Variants in AGBL4 observed in about 807,000 individuals in gnomAD.
AGBL4 encodes cytosolic carboxypeptidase 6.
AGBL4 carries 58 observed loss-of-function variants against 66.4 expected under a neutral mutation model. That is an observed-to-expected ratio of 0.87 (90% CI 0.71 to 1.09). AGBL4 has a LOEUF of 1.09. AGBL4 is among the 50% of genes least tolerant of loss of function. The pLI, the probability that AGBL4 is intolerant of heterozygous loss-of-function variation, is 0.00. For missense variants in AGBL4, 579 were observed against 631.0 expected (o/e 0.92, Z 0.88); for synonymous variants, 234 against 222.9 (o/e 1.05, Z -0.44).
intron 3 of AGBL4, among the ~76,000 whole-genome samples, chr1:49,590,951 T>A (rs1398560323): frequency 6.6e-6 from 1 of 152,038 alleles, no homozygotes; most frequent in African/African-American, 2.4e-5. Flanking sequence ...TTAGAAAATA[T>A]GTTAGCAGAA....
chr1:49,055,952 A>G (rs1021940827), intron 4 of AGBL4, among the ~76,000 whole-genome samples: 1 of 152,136 alleles, frequency 6.6e-6, no homozygotes, highest in South Asian at 2.1e-4. Flanking sequence ...TGGTCATTCT[A>G]TCCAACTGCC....
intron 3 of AGBL4, among the ~76,000 whole-genome samples, chr1:49,456,362 C>T (rs1011781014): frequency 2.0e-5 from 3 of 151,698 alleles, no homozygotes; most frequent in African/African-American, 4.8e-5. Flanking sequence ...ATTGTATGCA[C>T]GAACAGCTGC....
At chr1:48,984,283 C>A (rs1231885549) in intron 5 of AGBL4, among the ~76,000 whole-genome samples, 1 of 151,608 alleles carries the variant, frequency 6.6e-6, no homozygotes, top group East Asian at 2.0e-4. Context: ...GGGAAAGTAC[C>A]TTGTCCATGG....
intron 6 of AGBL4, among the ~76,000 whole-genome samples, chr1:48,689,195 C>T (rs1437617351): frequency 6.4e-5 from 8 of 124,740 alleles, no homozygotes; most frequent in African/African-American, 3.8e-4. Context: ...CAGAGCGAGA[C>T]CCGGTCTCAA....
At chr1:48,771,521 C>T (rs1379091419) in intron 6 of AGBL4, among the ~76,000 whole-genome samples, 2 of 152,152 alleles carry the variant, frequency 1.3e-5, no homozygotes, top group Non-Finnish European at 2.9e-5. Context: ...AGACTGAACC[C>T]TCAATGGTTA....
At chr1:48,944,158 C>G (rs1656253314) in intron 5 of AGBL4, among the ~76,000 whole-genome samples, 1 of 152,130 alleles carries the variant, frequency 6.6e-6, no homozygotes, top group Non-Finnish European at 1.5e-5. Flanking sequence ...TAATACATGA[C>G]AGCATGGAAG....
intron 9 of AGBL4, among the ~76,000 whole-genome samples, chr1:48,616,358 A>G (rs1220270875): frequency 2.6e-5 from 4 of 152,204 alleles, no homozygotes; most frequent in Non-Finnish European, 5.9e-5. Flanking sequence ...TCTCCATTGA[A>G]CAAATGAGAA....
chr1:48,711,671 A>G (rs1646969663), intron 6 of AGBL4, among the ~76,000 whole-genome samples: 1 of 151,838 alleles, frequency 6.6e-6, no homozygotes, highest in Admixed American at 6.6e-5. Context: ...CCGAGCTCCA[A>G]AGCAAGCTGT....
intron 4 of AGBL4, among the ~76,000 whole-genome samples, chr1:49,148,196 G>T (rs1331201179): frequency 6.6e-6 from 1 of 152,062 alleles, no homozygotes; most frequent in Non-Finnish European, 1.5e-5. Context: ...AATACATTAG[G>T]TATTAATAAA....
intron 6 of AGBL4, among the ~76,000 whole-genome samples, chr1:48,740,519 G>C (rs966519737): frequency 2.0e-5 from 3 of 152,192 alleles, no homozygotes; most frequent in African/African-American, 7.2e-5. Context: ...ACCCAAATCA[G>C]AAATTTGTGT....
At chr1:48,565,062 A>G (rs1644454759) in intron 11 of AGBL4, among the ~76,000 whole-genome samples, 1 of 152,206 alleles carries the variant, frequency 6.6e-6, no homozygotes, top group African/African-American at 2.4e-5. Flanking sequence ...GAACACTAAC[A>G]TTTACAGTGA....
intron 3 of AGBL4, among the ~76,000 whole-genome samples, chr1:49,695,246 AATT>A (rs1646961730): frequency 6.6e-6 from 1 of 152,132 alleles, no homozygotes; most frequent in South Asian, 2.1e-4. Context: ...ACTGCTTCAG[AATT>A]ATTGTTTGTT....
At chr1:48,580,387 G>A (rs1644721605) in intron 11 of AGBL4, among the ~76,000 whole-genome samples, 1 of 152,174 alleles carries the variant, frequency 6.6e-6, no homozygotes, top group Admixed American at 6.5e-5. Flanking sequence ...AACAGCTACT[G>A]TTACCCAGAT....
intron 4 of AGBL4, among the ~76,000 whole-genome samples, chr1:49,173,273 T>C (rs1265707672): frequency 1.3e-5 from 2 of 152,246 alleles, no homozygotes; most frequent in Non-Finnish European, 2.9e-5. Context: ...TATTTGTTCA[T>C]TTAACTCAAA....
At chr1:48,535,059 GA>G (rs1643946792) in intron 12 of AGBL4, 143 bp from the exon 13 acceptor site, 3 of 810,834 alleles carry the variant, frequency 3.7e-6, no homozygotes, top group South Asian at 3.6e-5. Flanking sequence ...TTTTTATGGG[GA>G]AAAAGAAGAG....
At chr1:48,559,240 A>G (rs1644362672) in intron 11 of AGBL4, among the ~76,000 whole-genome samples, 1 of 152,244 alleles carries the variant, frequency 6.6e-6, no homozygotes, top group Non-Finnish European at 1.5e-5. Flanking sequence ...ATTAATTATA[A>G]TCACAAGGAG....
chr1:48,609,284 A>G (rs1045550545), intron 9 of AGBL4, among the ~76,000 whole-genome samples: 14 of 152,194 alleles, frequency 9.2e-5, no homozygotes, highest in African/African-American at 2.9e-4. Flanking sequence ...ACTCTCCTGA[A>G]GCCTGAAGGA....
At chr1:49,097,725 C>T (rs1645132072) in intron 4 of AGBL4, among the ~76,000 whole-genome samples, 1 of 152,200 alleles carries the variant, frequency 6.6e-6, no homozygotes. Flanking sequence ...GGATTACAGG[C>T]GTGCACCACC....
chr1:48,901,385 A>T (rs1280076018), intron 5 of AGBL4, among the ~76,000 whole-genome samples: 1 of 152,216 alleles, frequency 6.6e-6, no homozygotes, highest in African/African-American at 2.4e-5. Flanking sequence ...AAGAGAAATT[A>T]AAGTATATGT....
Sources: gnomAD v4.1 joint callset for allele counts (sites outside exome capture counted in the v4.1 genomes callset) on GRCh38, gnomAD v4.1.1 for gene constraint, MANE v1.5 for transcripts, NCBI Gene and HGNC (gene_info 2026-07-23, HGNC 2026-07-21) for gene names.